The following OSBPL3 variants were observed in gnomAD, a reference collection of about 807,000 sequenced individuals.
The protein encoded by OSBPL3 is oxysterol-binding protein-related protein 3.
OSBPL3 carries 65 observed loss-of-function variants against 120.1 expected under a neutral mutation model. The ratio of observed to expected loss-of-function variants is 0.54; its 90% CI spans 0.44 to 0.67. The LOEUF is 0.67. Among genes scored for constraint, OSBPL3 ranks in the 30% least tolerant of loss-of-function variants. The pLI is 0.00. For synonymous variants in OSBPL3, 416 were observed against 402.6 expected, an observed-to-expected ratio of 1.03 and a Z score of -0.40; for missense variants, 1,004 against 1,082.1, an observed-to-expected ratio of 0.93 and a Z score of 1.01.
At chr7:24,969,368 T>C (rs1318427368) in intron 1 of OSBPL3, among the ~76,000 whole-genome samples, 3 of 152,248 alleles carry the variant, frequency 2.0e-5, no homozygotes, top group Admixed American at 6.5e-5. Flanking sequence ...TCTTTATATA[T>C]TGATAAAAGT....
chr7:24,956,012 T>C (rs942465675), intron 1 of OSBPL3, among the ~76,000 whole-genome samples: 10 of 152,202 alleles, frequency 6.6e-5, no homozygotes, highest in Admixed American at 2.6e-4. Context: ...AGAGTATAAT[T>C]TCCACTTTAT....
chr7:24,975,078 C>T (rs1817434148), intron 1 of OSBPL3, among the ~76,000 whole-genome samples: 1 of 152,098 alleles, frequency 6.6e-6, no homozygotes, highest in Non-Finnish European at 1.5e-5. Flanking sequence ...TTCAAATCTG[C>T]TTTAAAATGT....
rs190919066 is a variant in OSBPL3 at position 24,922,432 on chromosome 7, C to T, written c.-149-29811G>A. On this transcript the variant is annotated intron_variant, in intron 1 of 22. Transcript: ENST00000313367. The surrounding 1 kb of genome is among the most constrained non-coding windows in gnomAD (Gnocchi z 4.3). ...GGGAATTGTATGGCTGAGTGACCAG[C>T]GTGGGAGGGAAATTAAGTTTTCGGT... 2.0e-5 allele frequency among the ~76,000 whole-genome samples: 3 copies of T among 152,048 alleles called. No homozygotes were observed. Among genetic ancestry groups the T allele is most frequent in the Non-Finnish European group, 4.4e-5 (3 of 67,978 alleles).
chr7:24,881,610 C>T lies in OSBPL3; in HGVS notation c.97-9541G>A, dbSNP rs1803694088. On this transcript the variant is annotated intron_variant, in intron 2 of 22. Transcript: ENST00000313367. This position sits in a 1 kb window ranked among gnomAD's most constrained non-coding sequence, Gnocchi z 4.3. ...GTTCAGACAGGCATAATCTCCAAAGCCTAGATCCACATGAGCTGGGACTCC... is the reference window on the plus strand; with the variant it reads ...GTTCAGACAGGCATAATCTCCAAAGTCTAGATCCACATGAGCTGGGACTCC... Among the ~76,000 whole-genome samples, 1 of 152,152 alleles carries T rather than the reference C, an allele frequency of 6.6e-6. No homozygotes were observed. Among genetic ancestry groups the T allele is most frequent in the African/African-American group, 2.4e-5 (1 of 41,440 alleles).
rs1386439053 is a variant in OSBPL3 at position 24,932,453 on chromosome 7, C to T, written c.-149-39832G>A. Among the ~76,000 whole-genome samples, 1 of 152,014 alleles carries T rather than the reference C, an allele frequency of 6.6e-6. No homozygotes were observed. The highest frequency in any genetic ancestry group is 1.5e-5 in the Non-Finnish European group (1 of 68,006). On this transcript the variant is annotated intron_variant, in intron 1 of 22. Transcript: ENST00000313367. This position sits in a 1 kb window ranked among gnomAD's most constrained non-coding sequence, Gnocchi z 5.6. The stretch of plus-strand genomic sequence containing the variant: ...TGCTCTGGTGAGAATGTTGATGTCC[C>T]CCTGAAATTCATACATTAAAACCTA...
Position 24,881,099 on chromosome 7 carries a change from T to G in OSBPL3, c.97-9030A>C, listed in dbSNP as rs1169592019. Among the ~76,000 whole-genome samples, 4 of 152,196 alleles carry G rather than the reference T, an allele frequency of 2.6e-5. No homozygotes were observed. The highest frequency in any genetic ancestry group is 9.6e-5 in the African/African-American group (4 of 41,452). On this transcript the variant is annotated intron_variant, in intron 2 of 22. Coordinates refer to ENST00000313367, the MANE Select transcript of OSBPL3 (RefSeq NM_015550.4). This position sits in a 1 kb window ranked among gnomAD's most constrained non-coding sequence, Gnocchi z 4.3. Reference sequence around the variant, plus strand: ...GAGAACAGTGCTCTCTCTTACAGAGTGCTCAAAACTATTTTTTCAGAGCTA... The same window carrying G: ...GAGAACAGTGCTCTCTCTTACAGAGGGCTCAAAACTATTTTTTCAGAGCTA...
chr7:24,979,137 A>G (rs1202276489), intron 1 of OSBPL3, among the ~76,000 whole-genome samples: 1 of 152,178 alleles, frequency 6.6e-6, no homozygotes, highest in East Asian at 1.9e-4. Flanking sequence ...GGAAAACCCA[A>G]CTGTAGACAA....
chr7:24,963,010 C>T (rs1418980263), intron 1 of OSBPL3, among the ~76,000 whole-genome samples: 1 of 152,092 alleles, frequency 6.6e-6, no homozygotes, highest in Non-Finnish European at 1.5e-5. Context: ...ATAAGGTTGT[C>T]CCTTATTATT....
At position 24,852,752 on chromosome 7, in the gene OSBPL3, G is replaced by A; in HGVS notation, c.1028-118C>T. 1 of 668,028 alleles carries A rather than the reference G, an allele frequency of 1.5e-6. No individual in the cohort carries two copies. The highest frequency in any genetic ancestry group is 2.4e-6 in the Non-Finnish European group (1 of 421,014). The allele number at this position is 668,028 out of a possible 1,614,324, so 41.4% of individuals were successfully genotyped here. A position where few individuals can be genotyped will look rare whatever the true frequency, so the allele number is the denominator to read the frequency against. ...AAAGTAACAGCCCTGAATATTTTGA[G>A]TATAGCAAATGTACATTCTACCTTG... On this transcript the variant is annotated intron_variant, in intron 10 of 22. Coordinates refer to ENST00000313367, the MANE Select transcript of OSBPL3 (RefSeq NM_015550.4). This position sits in a 1 kb window ranked among gnomAD's most constrained non-coding sequence, Gnocchi z 4.1.
chr7:24,962,427 A>AGGGGAGAGGAGAGAG (rs1554420655), intron 1 of OSBPL3, among the ~76,000 whole-genome samples: 1 of 53,494 alleles, frequency 1.9e-5, no homozygotes, highest in Non-Finnish European at 3.5e-5. Context: ...AGGGGAGGGG[A>AGGGGAGAGGAGAGAG]GAGGAGAGAG....
chr7:24,903,148 T>C (rs1807319438), intron 1 of OSBPL3, among the ~76,000 whole-genome samples: 1 of 152,240 alleles, frequency 6.6e-6, no homozygotes, highest in Non-Finnish European at 1.5e-5. Flanking sequence ...AACCTAATAC[T>C]TGGCTTCCAA....
chr7:24,911,634 A>G (rs1808830688), intron 1 of OSBPL3, among the ~76,000 whole-genome samples: 1 of 152,200 alleles, frequency 6.6e-6, no homozygotes, highest in African/African-American at 2.4e-5. Flanking sequence ...AGCTTAAACC[A>G]AATTCTATAA....
At position 24,871,958 on chromosome 7, in the gene OSBPL3, G is replaced by A; in HGVS notation, c.208C>T (p.His70Tyr). The A allele has an allele frequency of 6.2e-7, 1 of 1,610,226 alleles. No individual in the cohort carries two copies. The highest frequency in any genetic ancestry group is 8.5e-7 in the Non-Finnish European group (1 of 1,176,692). Reference protein sequence around the residue: ...KKRKWPLKGWHKRFFYLDKGI... With the variant: ...KKRKWPLKGWYKRFFYLDKGI... ...GAGGCCAAGACCAACCTTACCTTAT[G>A]CCAGCCTTTTAAGGGCCACTTCCTC... The change falls in exon 3 of 23, where the codon CAT becomes TAT. Residue 70 changes from histidine (H) to tyrosine (Y), a missense_variant. Physicochemically the swap from His to Tyr is moderately conservative, Grantham distance 83. This residue lies in a region of OSBPL3 where 255 missense variants were observed against 248.7 expected (regional missense o/e 1.03). Transcript: ENST00000313367. The surrounding 1 kb of genome is among the most constrained non-coding windows in gnomAD (Gnocchi z 4.8).
chr7:24,886,945 A>T (rs1263254227), intron 2 of OSBPL3, among the ~76,000 whole-genome samples: 1 of 152,232 alleles, frequency 6.6e-6, no homozygotes, highest in Non-Finnish European at 1.5e-5. Context: ...AACCACGGTC[A>T]TTTTCAGGCA....
intron 10 of OSBPL3, among the ~76,000 whole-genome samples, chr7:24,859,255 T>C (rs968812111): frequency 1.3e-5 from 2 of 152,070 alleles, no homozygotes; most frequent in Non-Finnish European, 2.9e-5. Context: ...AGGAAGGCAA[T>C]AGAGGGAATA....
chr7:24,975,546 G>C (rs1817487812), intron 1 of OSBPL3, among the ~76,000 whole-genome samples: 2 of 152,100 alleles, frequency 1.3e-5, no homozygotes, highest in Non-Finnish European at 2.9e-5. Context: ...CAATTGAGCA[G>C]TTACTATAGA....
chr7:24,939,945 T>C lies in OSBPL3; in HGVS notation c.-150+39941A>G, dbSNP rs760656826. Among the ~76,000 whole-genome samples, 22 of 152,174 alleles carry C rather than the reference T, an allele frequency of 1.4e-4. No homozygotes were observed. Among genetic ancestry groups the C allele is most frequent in the Non-Finnish European group, 2.6e-4 (18 of 68,034 alleles). On this transcript the variant is annotated intron_variant, in intron 1 of 22. Transcript: ENST00000313367. The surrounding 1 kb of genome is among the most constrained non-coding windows in gnomAD (Gnocchi z 4.2). ...GTGCAGCAAATCACCATGGCACATG[T>C]ATACCTATGTAACAAACCTGCATGT...
At chr7:24,969,424 T>C (rs1023451145) in intron 1 of OSBPL3, among the ~76,000 whole-genome samples, 1 of 152,222 alleles carries the variant, frequency 6.6e-6, no homozygotes, top group Non-Finnish European at 1.5e-5. Context: ...AATGTGTTGA[T>C]TGCCTTTTGA....
At chr7:24,941,238 T>C (rs1813073112) in intron 1 of OSBPL3, among the ~76,000 whole-genome samples, 1 of 152,202 alleles carries the variant, frequency 6.6e-6, no homozygotes, top group Admixed American at 6.5e-5. Flanking sequence ...AAAATTCCAG[T>C]CTACTATCAG....
Sources: gnomAD v4.1 joint callset for allele counts (sites outside exome capture counted in the v4.1 genomes callset) on GRCh38, gnomAD v4.1.1 for gene constraint, gnomAD v4.1.1 regional missense constraint, Gnocchi (gnomAD v3.1) non-coding constraint, MANE v1.5 for transcripts, NCBI Gene and HGNC (gene_info 2026-07-23, HGNC 2026-07-21) for gene names.